The following AFF1 variants were observed in gnomAD, a reference collection of about 807,000 sequenced individuals.
AFF1 encodes ALF transcription elongation factor 1, also known as AF4/FMR2 family member 1.
In AFF1, 48 loss-of-function variants were observed where a neutral mutation model predicts 121.7. The ratio of observed to expected loss-of-function variants is 0.39; its 90% CI spans 0.31 to 0.50. AFF1 has a LOEUF of 0.50. AFF1 is among the 20% of genes least tolerant of loss of function. The pLI is 0.76. For synonymous variants in AFF1, 613 were observed against 563.0 expected (o/e 1.09, Z -1.26); for missense variants, 1,523 against 1,511.7 (o/e 1.01, Z -0.12).
intron 12 of AFF1, among the ~76,000 whole-genome samples, chr4:87,122,710 C>G (rs1054129424): frequency 6.6e-6 from 1 of 151,876 alleles, no homozygotes; most frequent in Non-Finnish European, 1.5e-5. Flanking sequence ...ATAATTCCTT[C>G]TTTGCATTGG....
intron 12 of AFF1, among the ~76,000 whole-genome samples, chr4:87,123,990 C>T (rs940229442): frequency 5.4e-4 from 82 of 152,330 alleles, no homozygotes; most frequent in African/African-American, 1.9e-3. Flanking sequence ...CCATCACTTA[C>T]CTGCCACCTG....
chr4:87,062,170 A>C (rs1026106130), intron 4 of AFF1, among the ~76,000 whole-genome samples: 1 of 152,222 alleles, frequency 6.6e-6, no homozygotes, highest in African/African-American at 2.4e-5. Context: ...AAAAGACCTT[A>C]GACTGGGTAA....
At chr4:87,001,088 G>A (rs1277979825) in intron 2 of AFF1, among the ~76,000 whole-genome samples, 1 of 151,784 alleles carries the variant, frequency 6.6e-6, no homozygotes, top group African/African-American at 2.4e-5. Context: ...ATTTAACCCC[G>A]GGGACTCTCC....
chr4:87,046,914 G>C lies in AFF1; in HGVS notation c.379G>C (p.Ala127Pro). The C allele has an allele frequency of 6.2e-7, 1 of 1,614,152 alleles. No individual in the cohort carries two copies. Among genetic ancestry groups the C allele is most frequent in the East Asian group, 2.2e-5 (1 of 44,880 alleles). ...CCACCACCAGTCCATTCACACTCCT[G>C]CGTCTGGACCACTTTCTGTTGGCAA... ...SVHHQSIHTP[A>P]SGPLSVGNIS... is the part of the protein sequence containing the mutation. Residue 127 changes from alanine (A) to proline (P), a missense_variant, in exon 4 of 21, where the codon GCG becomes CCG. Physicochemically the swap from Ala to Pro is conservative, Grantham distance 27. Around this residue, in one of 5 missense-constraint regions of AFF1, gnomAD observed 369 missense variants for 367.2 expected, o/e 1.00. Coordinates refer to ENST00000395146, the MANE Select transcript of AFF1 (RefSeq NM_001166693.3).
At chr4:87,092,126 T>C (rs559868688) in intron 7 of AFF1, among the ~76,000 whole-genome samples, 3 of 152,028 alleles carry the variant, frequency 2.0e-5, no homozygotes. Flanking sequence ...TCTACAAAAT[T>C]AGAAAAATTA....
At chr4:87,084,675 A>G (rs904024825) in intron 5 of AFF1, among the ~76,000 whole-genome samples, 3 of 152,238 alleles carry the variant, frequency 2.0e-5, no homozygotes, top group African/African-American at 7.2e-5. Context: ...AAAGGCAAAA[A>G]TAAACCAGAA....
chr4:86,939,649 T>C (rs1487999816), intron 1 of AFF1, among the ~76,000 whole-genome samples: 3 of 152,246 alleles, frequency 2.0e-5, no homozygotes, highest in Non-Finnish European at 4.4e-5. Flanking sequence ...GTTCATAAAT[T>C]TTTTAGAGCA....
intron 4 of AFF1, among the ~76,000 whole-genome samples, chr4:87,076,836 T>TG (rs1722720329): frequency 6.6e-6 from 1 of 152,232 alleles, no homozygotes; most frequent in African/African-American, 2.4e-5. Flanking sequence ...GTTTTCCAGC[T>TG]GAAGTAGGCA....
intron 4 of AFF1, among the ~76,000 whole-genome samples, chr4:87,051,415 CTTT>C (rs5860052): frequency 4.2e-5 from 6 of 141,712 alleles, no homozygotes; most frequent in Admixed American, 7.0e-5. Context: ...TTTCCTTTTT[CTTT>C]TTTTTTTTTT....
At chr4:87,030,237 T>C (rs575789856) in intron 2 of AFF1, among the ~76,000 whole-genome samples, 10 of 152,232 alleles carry the variant, frequency 6.6e-5, no homozygotes, top group Non-Finnish European at 1.5e-4. Context: ...TATTTTAGGC[T>C]TTGCAGCCCA....
rs541876819 is a variant in AFF1, at chr4:87,021,465, T to C, written c.39-24701T>C. 5.9e-5 allele frequency among the ~76,000 whole-genome samples: 9 copies of C among 152,366 alleles called. No individual in the cohort carries two copies. The East Asian group carries it at 1.3e-3, about 23-fold the overall frequency. On this transcript the variant is annotated intron_variant, in intron 2 of 20. Transcript: ENST00000395146. ...TTAATGTAACTCTGTAAGAGTGGAA[T>C]CATATTTCTATAGGTGATTTACATC...
At chr4:87,063,964 A>G (rs1721075479) in intron 4 of AFF1, among the ~76,000 whole-genome samples, 1 of 152,240 alleles carries the variant, frequency 6.6e-6, no homozygotes, top group Admixed American at 6.5e-5. Context: ...GTGATGAAGT[A>G]ATGAAACTCT....
At chr4:86,979,348 C>T (rs1723551861) in intron 2 of AFF1, among the ~76,000 whole-genome samples, 1 of 152,156 alleles carries the variant, frequency 6.6e-6, no homozygotes, top group African/African-American at 2.4e-5. Context: ...ATCCTCCCGC[C>T]TCGGCCTCCC....
At chr4:86,975,358 C>G (rs1257136595) in intron 2 of AFF1, among the ~76,000 whole-genome samples, 1 of 152,182 alleles carries the variant, frequency 6.6e-6, no homozygotes, top group African/African-American at 2.4e-5. Flanking sequence ...TCAAGCCATA[C>G]TCCCACCTCC....
intron 2 of AFF1, among the ~76,000 whole-genome samples, chr4:86,962,152 T>C (rs747778429): frequency 1.0e-3 from 149 of 149,736 alleles, no homozygotes; most frequent in Admixed American, 2.2e-3. Flanking sequence ...TTTCTTTTTT[T>C]TTTTTTTTTT....
At chr4:86,978,642 T>C (rs1723497571) in intron 2 of AFF1, among the ~76,000 whole-genome samples, 1 of 152,030 alleles carries the variant, frequency 6.6e-6, no homozygotes, top group African/African-American at 2.4e-5. Context: ...TGAGCCTGCT[T>C]GTTTCTTGGA....
At chr4:87,111,944 G>C (rs1451872410) in intron 11 of AFF1, among the ~76,000 whole-genome samples, 1 of 152,156 alleles carries the variant, frequency 6.6e-6, no homozygotes, top group Admixed American at 6.5e-5. Flanking sequence ...TGAGGGTTGG[G>C]GGGGAAACCA....
intron 1 of AFF1, among the ~76,000 whole-genome samples, chr4:86,947,823 T>TTG (rs959900993): frequency 5.9e-5 from 9 of 151,722 alleles, no homozygotes; most frequent in African/African-American, 2.2e-4. Context: ...TTGTTTGTTT[T>TTG]TTTTTTGTTT....
At chr4:87,070,629 T>G (rs949348587) in intron 4 of AFF1, among the ~76,000 whole-genome samples, 2 of 152,276 alleles carry the variant, frequency 1.3e-5, no homozygotes, top group African/African-American at 4.8e-5. Context: ...ATTTGTTGTT[T>G]CTCATAAGAA....
Sources: gnomAD v4.1 joint callset for allele counts (sites outside exome capture counted in the v4.1 genomes callset) on GRCh38, gnomAD v4.1.1 for gene constraint, gnomAD v4.1.1 regional missense constraint, MANE v1.5 for transcripts, NCBI Gene and HGNC (gene_info 2026-07-23, HGNC 2026-07-21) for gene names.